LINGO2: variants seen among roughly 807,000 people sequenced by gnomAD.
LINGO2 encodes leucine rich repeat and Ig domain containing 2, also known as leucine-rich repeat and immunoglobulin-like domain-containing nogo receptor-interacting protein 2.
In LINGO2, 14 loss-of-function variants were observed where a neutral mutation model predicts 30.6. That is an observed-to-expected ratio of 0.46 (90% CI 0.30 to 0.72). The LOEUF is 0.72. LINGO2 is among the 30% of genes least tolerant of loss of function. The pLI, the probability that LINGO2 is intolerant of heterozygous loss-of-function variation, is 0.07. For missense variants in LINGO2, 729 were observed against 751.7 expected, an observed-to-expected ratio of 0.97 and a Z score of 0.35; for synonymous variants, 317 against 288.5, an observed-to-expected ratio of 1.10 and a Z score of -1.00.
At chr9:28,384,377 TA>T (rs1464286312) in intron 2 of LINGO2, among the ~76,000 whole-genome samples, 2 of 133,446 alleles carry the variant, frequency 1.5e-5, no homozygotes, top group African/African-American at 5.2e-5. Context: ...TTTTTTAACT[TA>T]AAAAAGGTAA....
At chr9:29,123,555 T>G in the LINGO2 span, among the ~76,000 whole-genome samples, 1 of 151,952 alleles carries the variant, frequency 6.6e-6, no homozygotes, top group Admixed American at 6.6e-5. Context: ...TCCTAGATAG[T>G]GAAGAGATAA....
chr9:29,134,896 G>T, the LINGO2 span, among the ~76,000 whole-genome samples: 1 of 151,842 alleles, frequency 6.6e-6, no homozygotes, highest in Non-Finnish European at 1.5e-5. Context: ...TCCAGAAATG[G>T]TAAATTAATA....
chr9:28,811,183 G>A, the LINGO2 span, among the ~76,000 whole-genome samples: 15,886 of 151,770 alleles, frequency 0.1, 909 homozygotes, highest in African/African-American at 0.14. Flanking sequence ...GTTTTTCTTC[G>A]TTCTTCTCTT....
the LINGO2 span, among the ~76,000 whole-genome samples, chr9:28,893,346 A>G: frequency 1.3e-5 from 2 of 152,054 alleles, no homozygotes; most frequent in Non-Finnish European, 2.9e-5. Flanking sequence ...ACTATTTCCC[A>G]TCAATGACTA....
At chr9:27,999,562 C>T (rs997914564) in intron 5 of LINGO2, among the ~76,000 whole-genome samples, 1 of 151,786 alleles carries the variant, frequency 6.6e-6, no homozygotes, top group Non-Finnish European at 1.5e-5. Flanking sequence ...GCTTTTCATC[C>T]TTGACACAGT....
the LINGO2 span, among the ~76,000 whole-genome samples, chr9:28,747,771 C>T: frequency 3.2e-4 from 44 of 138,748 alleles, 1 homozygote; most frequent in South Asian, 9.3e-3. Context: ...AACATACTGG[C>T]TATTGTTATA....
chr9:28,397,384 T>C lies in LINGO2; in HGVS notation c.-278-24516A>G, dbSNP rs141085878. Reference sequence around the variant, plus strand: ...ATATATATATATATACATATATATATATACACACATTATGGTATGGATAAA... The same window carrying C: ...ATATATATATATATACATATATATACATACACACATTATGGTATGGATAAA... On this transcript the variant is annotated intron_variant, in intron 2 of 5. Transcript: ENST00000379992. Among the ~76,000 whole-genome samples, 174 of 149,430 alleles carry C rather than the reference T, an allele frequency of 1.2e-3. 3 individuals carry two copies. In the East Asian group the frequency reaches 0.032, roughly 27 times the overall value.
At chr9:28,338,788 T>G (rs1324529108) in intron 3 of LINGO2, among the ~76,000 whole-genome samples, 3 of 152,108 alleles carry the variant, frequency 2.0e-5, no homozygotes, top group Non-Finnish European at 4.4e-5. Flanking sequence ...GATTGTAAGT[T>G]TCCTGAGGCC....
chr9:28,055,580 T>C (rs933008883), intron 4 of LINGO2, among the ~76,000 whole-genome samples: 2 of 152,210 alleles, frequency 1.3e-5, no homozygotes, highest in African/African-American at 4.8e-5. Flanking sequence ...GTGTAAGGCT[T>C]CAGTCTAATT....
At chr9:29,208,022 C>A in the LINGO2 span, among the ~76,000 whole-genome samples, 8 of 151,960 alleles carry the variant, frequency 5.3e-5, no homozygotes, top group African/African-American at 1.4e-4. Flanking sequence ...TAAAATAGGA[C>A]AAATGGTCTA....
At chr9:29,148,967 T>A in the LINGO2 span, among the ~76,000 whole-genome samples, 1 of 152,236 alleles carries the variant, frequency 6.6e-6, no homozygotes, top group African/African-American at 2.4e-5. Context: ...CATAAAATTA[T>A]TCATACGCAA....
At chr9:28,523,980 T>G (rs1381354475) in intron 1 of LINGO2, among the ~76,000 whole-genome samples, 2 of 151,434 alleles carry the variant, frequency 1.3e-5, no homozygotes, top group East Asian at 3.9e-4. Context: ...AAAACAATCT[T>G]GAAAATAAAA....
the LINGO2 span, among the ~76,000 whole-genome samples, chr9:28,719,151 A>G: frequency 1.3e-5 from 2 of 151,560 alleles, no homozygotes; most frequent in Admixed American, 1.3e-4. Context: ...GAAGGAGTAG[A>G]GTCTCCGAGC....
chr9:28,445,892 C>T lies in LINGO2; in HGVS notation c.-279+30048G>A, dbSNP rs561294058. ...ATGATTATGGGTTATGATTTACTACCTCACATTACTAAGGGCATCTGAATT... is the reference window on the plus strand; with the variant it reads ...ATGATTATGGGTTATGATTTACTACTTCACATTACTAAGGGCATCTGAATT... On this transcript the variant is annotated intron_variant, in intron 2 of 5. Coordinates refer to ENST00000379992, the Ensembl canonical transcript of LINGO2. Among the ~76,000 whole-genome samples, 3 of 152,226 alleles carry T rather than the reference C, an allele frequency of 2.0e-5. No homozygotes were observed. In the South Asian group the frequency reaches 6.2e-4, roughly 32 times the overall value.
the LINGO2 span, among the ~76,000 whole-genome samples, chr9:28,751,499 C>A: frequency 2.0e-4 from 31 of 152,050 alleles, no homozygotes; most frequent in Non-Finnish European, 3.2e-4. Flanking sequence ...CCCATATTAA[C>A]ATGACACACC....
the LINGO2 span, among the ~76,000 whole-genome samples, chr9:28,853,523 C>G: frequency 6.6e-6 from 1 of 151,966 alleles, no homozygotes; most frequent in Non-Finnish European, 1.5e-5. Flanking sequence ...ATCACTGCCT[C>G]CTAACGTAGT....
At chr9:28,646,079 T>G (rs896363526) in intron 1 of LINGO2, among the ~76,000 whole-genome samples, 3 of 152,144 alleles carry the variant, frequency 2.0e-5, no homozygotes, top group Non-Finnish European at 4.4e-5. Context: ...TACCAAGTAA[T>G]GGCAACTGAC....
At chr9:28,079,988 A>T (rs562936537) in intron 4 of LINGO2, among the ~76,000 whole-genome samples, 5 of 152,248 alleles carry the variant, frequency 3.3e-5, no homozygotes, top group African/African-American at 1.2e-4. Context: ...TCTTCCCTTT[A>T]CACCCTGCCC....
At chr9:28,877,083 C>G in the LINGO2 span, among the ~76,000 whole-genome samples, 51 of 148,130 alleles carry the variant, frequency 3.4e-4, no homozygotes, top group Non-Finnish European at 6.4e-4. Context: ...CCTTCACCCA[C>G]TTTTTGATGG....
Sources: gnomAD v4.1 joint callset for allele counts (sites outside exome capture counted in the v4.1 genomes callset) on GRCh38, gnomAD v4.1.1 for gene constraint, MANE v1.5 for transcripts, NCBI Gene and HGNC (gene_info 2026-07-23, HGNC 2026-07-21) for gene names.